The following KCNN3 variants were observed in gnomAD, a reference collection of about 807,000 sequenced individuals.
KCNN3 encodes the protein potassium calcium-activated channel subfamily N member 3, also known as small conductance calcium-activated potassium channel protein 3.
A neutral mutation model predicts 62.9 loss-of-function variants in KCNN3; 16 were observed. The ratio of observed to expected loss-of-function variants is 0.25; its 90% CI spans 0.17 to 0.39. The LOEUF is 0.39. KCNN3 is among the 10% of genes least tolerant of loss of function. The probability of loss-of-function intolerance (pLI) is 1.00; values close to 1 mark genes in which losing one functional copy is unlikely to be tolerated. For missense variants in KCNN3, 599 were observed against 949.4 expected, an observed-to-expected ratio of 0.63 and a Z score of 4.85; for synonymous variants, 370 against 389.2, an observed-to-expected ratio of 0.95 and a Z score of 0.58.
intron 6 of KCNN3, among the ~76,000 whole-genome samples, chr1:154,714,615 GT>G (rs1557938699): frequency 8.4e-4 from 105 of 125,616 alleles, no homozygotes; most frequent in African/African-American, 1.2e-3. Context: ...GGTGTGTGGT[GT>G]GTGTGTGTGT....
intron 1 of KCNN3, among the ~76,000 whole-genome samples, chr1:154,846,910 G>A (rs1422851844): frequency 2.6e-5 from 4 of 152,118 alleles, no homozygotes; most frequent in Non-Finnish European, 4.4e-5. Flanking sequence ...GCATTAGAGC[G>A]GCCCCCAAGG....
intron 2 of KCNN3, among the ~76,000 whole-genome samples, chr1:154,821,338 G>A (rs1293232346): frequency 2.0e-5 from 3 of 152,192 alleles, no homozygotes; most frequent in Non-Finnish European, 2.9e-5. Context: ...AACTTCTCAG[G>A]TCCACAGCAG....
At chr1:154,826,206 T>C (rs1651123365) in intron 1 of KCNN3, among the ~76,000 whole-genome samples, 1 of 152,224 alleles carries the variant, frequency 6.6e-6, no homozygotes, top group African/African-American at 2.4e-5. Flanking sequence ...TCCAATTATT[T>C]CATTTTTAAG....
At position 154,707,794 on chromosome 1, in the gene KCNN3, A is replaced by C; in HGVS notation, c.*182T>G. The C allele has an allele frequency of 1.5e-6, 1 of 669,258 alleles. No individual in the cohort carries two copies. Among genetic ancestry groups the C allele is most frequent in the Non-Finnish European group, 2.5e-6 (1 of 402,870 alleles). 41.5% of individuals were successfully genotyped at this position (669,258 alleles called of 1,614,324 possible). On this transcript the variant is annotated 3_prime_UTR_variant, in exon 8 of 8. Transcript: ENST00000271915. ...AAGTAGAGGCACCTAAACAGAGATT[A>C]GATTTCTGGTTTCAAGGCATGTCGG... is the stretch of plus-strand genomic sequence containing the variant.
chr1:154,738,535 G>A (rs570619012), intron 3 of KCNN3, among the ~76,000 whole-genome samples: 19 of 152,284 alleles, frequency 1.2e-4, no homozygotes, highest in African/African-American at 1.9e-4. Context: ...GTAAACCAAG[G>A]AGGAAGACAA....
chr1:154,700,024 C>T lies in KCNN3; in HGVS notation c.*7952G>A, dbSNP rs1699820142. The T allele has an allele frequency of 6.6e-6, 1 of 152,168 alleles. No homozygotes were observed. The highest frequency in any genetic ancestry group is 2.1e-4 in the South Asian group (1 of 4,832). The allele number at this position is 152,168 out of a possible 1,614,324, so 9.4% of individuals were successfully genotyped here. Reference sequence around the variant, plus strand: ...GATGTAGACCATCCAAGTTATATAACCTCAAGTGGAATTTAAAGATGCATT... The same window carrying T: ...GATGTAGACCATCCAAGTTATATAATCTCAAGTGGAATTTAAAGATGCATT... On this transcript the variant is annotated 3_prime_UTR_variant, in exon 8 of 8. Transcript: ENST00000271915.
intron 3 of KCNN3, among the ~76,000 whole-genome samples, chr1:154,755,017 G>A (rs976391898): frequency 6.6e-6 from 1 of 152,232 alleles, no homozygotes; most frequent in African/African-American, 2.4e-5. Flanking sequence ...ACTCTACACC[G>A]CCACCACCGC....
rs1386076013 is a variant in KCNN3, at chr1:154,707,434, T to TG, written c.*541_*542insC. 6.6e-6 allele frequency: 1 copy of TG among 151,422 alleles called. No homozygotes were observed. Among genetic ancestry groups the TG allele is most frequent in the Non-Finnish European group, 1.5e-5 (1 of 67,854 alleles). The allele number at this position is 151,422 out of a possible 1,614,324, so 9.4% of individuals were successfully genotyped here. On this transcript the variant is annotated 3_prime_UTR_variant, in exon 8 of 8. Coordinates refer to ENST00000271915, the MANE Select transcript of KCNN3 (RefSeq NM_002249.6). Reference sequence around the variant, plus strand: ...TTTTATTTGTCTGTGTCTTTTTTTTTTTTTTTCAGTCTGATTCGAGTATAT... The same window carrying TG: ...TTTTATTTGTCTGTGTCTTTTTTTTTGTTTTTTCAGTCTGATTCGAGTATAT...
chr1:154,794,419 T>C (rs1006972809), intron 2 of KCNN3, among the ~76,000 whole-genome samples: 2 of 152,206 alleles, frequency 1.3e-5, no homozygotes, highest in Non-Finnish European at 2.9e-5. Flanking sequence ...GGAGAGACTC[T>C]CTTTGGCTCT....
intron 5 of KCNN3, among the ~76,000 whole-genome samples, chr1:154,718,763 G>A (rs1700284365): frequency 6.6e-6 from 1 of 152,234 alleles, no homozygotes; most frequent in Non-Finnish European, 1.5e-5. Context: ...TCCAGGGCTA[G>A]AGAGTGATGC....
intron 3 of KCNN3, among the ~76,000 whole-genome samples, chr1:154,745,076 A>ACC (rs560495799): frequency 1.3e-5 from 2 of 152,100 alleles, no homozygotes; most frequent in Non-Finnish European, 2.9e-5. Flanking sequence ...GTATAAAGCC[A>ACC]CCCCTCCATC....
intron 2 of KCNN3, among the ~76,000 whole-genome samples, chr1:154,795,630 G>A (rs1649702679): frequency 6.6e-6 from 1 of 152,160 alleles, no homozygotes; most frequent in South Asian, 2.1e-4. Flanking sequence ...GTAAACAGAG[G>A]AATATATTGC....
intron 3 of KCNN3, among the ~76,000 whole-genome samples, chr1:154,738,074 A>G (rs779699001): frequency 3.9e-5 from 6 of 152,250 alleles, no homozygotes; most frequent in Non-Finnish European, 7.3e-5. Flanking sequence ...TTCAAAAACA[A>G]AAATCCCCAG....
At chr1:154,845,012 C>CG (rs1553239748) in intron 1 of KCNN3, among the ~76,000 whole-genome samples, 1 of 150,290 alleles carries the variant, frequency 6.7e-6, no homozygotes, top group Non-Finnish European at 1.5e-5. Flanking sequence ...TCTCAAAAAA[C>CG]AAAAAAAAGA....
At chr1:154,806,862 G>A (rs1010031040) in intron 2 of KCNN3, among the ~76,000 whole-genome samples, 1 of 152,102 alleles carries the variant, frequency 6.6e-6, no homozygotes, top group African/African-American at 2.4e-5. Context: ...CCCTGAAATC[G>A]ACCAGGGAGG....
chr1:154,728,741 T>C (rs1015086289), intron 4 of KCNN3, among the ~76,000 whole-genome samples: 1 of 151,548 alleles, frequency 6.6e-6, no homozygotes, highest in Admixed American at 6.6e-5. Context: ...ACAAGTTGCG[T>C]TGCATCCTAA....
intron 2 of KCNN3, among the ~76,000 whole-genome samples, chr1:154,780,276 T>C (rs1451638731): frequency 6.6e-6 from 1 of 150,652 alleles, no homozygotes; most frequent in Non-Finnish European, 1.5e-5. Flanking sequence ...CATTCTATTT[T>C]GAAAGACTTG....
chr1:154,753,410 C>G (rs923275271), intron 3 of KCNN3, among the ~76,000 whole-genome samples: 1 of 152,182 alleles, frequency 6.6e-6, no homozygotes, highest in Non-Finnish European at 1.5e-5. Flanking sequence ...AGGTACCAAA[C>G]AGCATGACCT....
chr1:154,728,349 A>T (rs777731259), intron 4 of KCNN3, among the ~76,000 whole-genome samples: 16 of 152,304 alleles, frequency 1.1e-4, no homozygotes, highest in Non-Finnish European at 2.1e-4. Context: ...ATTCCTCTAG[A>T]GGATGCTGCA....
Sources: gnomAD v4.1 joint callset for allele counts (sites outside exome capture counted in the v4.1 genomes callset) on GRCh38, gnomAD v4.1.1 for gene constraint, MANE v1.5 for transcripts, NCBI Gene and HGNC (gene_info 2026-07-23, HGNC 2026-07-21) for gene names.